Variants in NPHP4 observed in about 807,000 individuals in gnomAD.
The protein encoded by NPHP4 is nephrocystin 4, also known as nephrocystin-4.
A neutral mutation model predicts 155.8 loss-of-function variants in NPHP4; 151 were observed. The observed-to-expected ratio is 0.97, with a 90% CI of 0.85 to 1.11. The LOEUF (loss-of-function observed/expected upper bound fraction) is 1.11. Among genes scored for constraint, NPHP4 ranks in the 50% least tolerant of loss-of-function variants. The pLI, the probability that NPHP4 is intolerant of heterozygous loss-of-function variation, is 0.00. For missense variants in NPHP4, 1,956 were observed against 1,925.7 expected (o/e 1.02, Z -0.29); for synonymous variants, 845 against 816.8 (o/e 1.03, Z -0.59).
At chr1:5,876,624 T>G (rs1221626072) in intron 20 of NPHP4, 2 of 153,162 alleles carry the variant, frequency 1.3e-5, no homozygotes, top group African/African-American at 4.8e-5. Context: ...TCCCGACTTC[T>G]ATGAACCCAG....
intron 17 of NPHP4, chr1:5,888,611 C>T (rs565360210): frequency 1.5e-6 from 2 of 1,349,288 alleles, no homozygotes; most frequent in African/African-American, 3.0e-5. Context: ...GAGAAGTCTC[C>T]TTTAGGGAAC....
At chr1:5,865,976 G>A in intron 26 of NPHP4, 1 of 235,850 alleles carries the variant, frequency 4.2e-6, no homozygotes, top group Non-Finnish European at 8.4e-6. Flanking sequence ...CTGGAGGAGA[G>A]AGGGATGGGC....
At chr1:5,920,088 C>G (rs992636239) in intron 11 of NPHP4, among the ~76,000 whole-genome samples, 1 of 152,140 alleles carries the variant, frequency 6.6e-6, no homozygotes, top group East Asian at 1.9e-4. Context: ...CGTGCCACCA[C>G]GCCAGCTGAT....
chr1:5,887,880 G>A (rs957697907), intron 17 of NPHP4, among the ~76,000 whole-genome samples: 12 of 152,204 alleles, frequency 7.9e-5, no homozygotes, highest in Non-Finnish European at 1.5e-4. Flanking sequence ...AATCCAGGAC[G>A]GAAACCCCAA....
intron 11 of NPHP4, among the ~76,000 whole-genome samples, chr1:5,924,752 T>C (rs1645911574): frequency 6.6e-6 from 1 of 152,120 alleles, no homozygotes; most frequent in Non-Finnish European, 1.5e-5. Flanking sequence ...TCTCCCGGGC[T>C]CAACCAATCC....
Position 5,909,192 on chromosome 1 carries a change from C to G in NPHP4, c.1463G>C (p.Arg488Pro), listed in dbSNP as rs375429200. The G allele has an allele frequency of 6.2e-5, 100 of 1,603,952 alleles. No individual in the cohort carries two copies. The highest frequency in any genetic ancestry group is 8.3e-5 in the Non-Finnish European group (98 of 1,175,696). ...SPSSPPAPVPRVLAAPQNSPV... is the reference protein window; with the variant it reads ...SPSSPPAPVPPVLAAPQNSPV... Reference sequence around the variant, plus strand: ...TGAGTTCTGCGGGGCAGCGAGAACTCGAGGTACTGGCGCTGGCGGGCCTGG... The same window carrying G: ...TGAGTTCTGCGGGGCAGCGAGAACTGGAGGTACTGGCGCTGGCGGGCCTGG... Residue 488 changes from arginine (R) to proline (P), a missense_variant, in exon 12 of 30, where the codon CGA (arginine) becomes CCA (proline). Arg to Pro is a moderately radical substitution (Grantham distance 103, BLOSUM62 -2). Coordinates refer to ENST00000378156, the MANE Select transcript of NPHP4 (RefSeq NM_015102.5).
Position 5,882,324 on chromosome 1 carries a change from G to GCGCGCTTACCCAGCCATCTCTCAGTGA in NPHP4, c.2486-2112_2486-2086dup, listed in dbSNP as rs70977990. 6 of 143,660 alleles carry GCGCGCTTACCCAGCCATCTCTCAGTGA rather than the reference G, an allele frequency of 4.2e-5. No individual in the cohort carries two copies. The highest frequency in any genetic ancestry group is 2.4e-4 in the South Asian group (1 of 4,206). The allele number at this position is 143,660 out of a possible 1,614,324, so 8.9% of individuals were successfully genotyped here. A position where few individuals can be genotyped will look rare whatever the true frequency, so the allele number is the denominator to read the frequency against. On this transcript the variant is annotated intron_variant, in intron 18 of 29. Coordinates refer to ENST00000378156, the MANE Select transcript of NPHP4 (RefSeq NM_015102.5). The surrounding 1 kb of genome is among the most constrained non-coding windows in gnomAD (Gnocchi z 5.1). Reference sequence around the variant, plus strand: ...GCGCTTACCCAGCCATCTCTCAGTGGCGCGCTTACCCAGCCATCTCTCAGT... The same window carrying GCGCGCTTACCCAGCCATCTCTCAGTGA: ...GCGCTTACCCAGCCATCTCTCAGTGGCGCGCTTACCCAGCCATCTCTCAGTGACGCGCTTACCCAGCCATCTCTCAGT...
chr1:5,864,768 T>C, intron 27 of NPHP4: 1 of 542,874 alleles, frequency 1.8e-6, no homozygotes, highest in Non-Finnish European at 3.3e-6. Flanking sequence ...TGAAGCCATC[T>C]TGGGCTTAAA....
intron 10 of NPHP4, among the ~76,000 whole-genome samples, chr1:5,929,273 T>C (rs1646160731): frequency 6.6e-6 from 1 of 152,212 alleles, no homozygotes; most frequent in South Asian, 2.1e-4. Flanking sequence ...TTCCTTCTAA[T>C]GTGTAGGTCT....
rs1253016970 is a variant in NPHP4, at chr1:5,944,700, T to C, written c.1119+2404A>G. On this transcript the variant is annotated intron_variant, in intron 9 of 29. Coordinates refer to ENST00000378156, the MANE Select transcript of NPHP4 (RefSeq NM_015102.5). This position sits in a 1 kb window ranked among gnomAD's most constrained non-coding sequence, Gnocchi z 4.3. ...AGTACCAATGACTGGCCGGGCGCGG[T>C]GGTTCACGTCTGGAACCTGAGCACT... 6.6e-6 allele frequency among the ~76,000 whole-genome samples: 1 copy of C among 152,208 alleles called. No individual in the cohort carries two copies. Among genetic ancestry groups the C allele is most frequent in the Non-Finnish European group, 1.5e-5 (1 of 68,042 alleles).
chr1:5,945,250 G>A (rs573632019), intron 9 of NPHP4, among the ~76,000 whole-genome samples: 24 of 150,196 alleles, frequency 1.6e-4, no homozygotes, highest in Non-Finnish European at 2.7e-4. Context: ...GCCATCAGGC[G>A]CTGCCAGGAC....
At chr1:5,950,774 C>A (rs571517273) in intron 7 of NPHP4, among the ~76,000 whole-genome samples, 2 of 152,060 alleles carry the variant, frequency 1.3e-5, no homozygotes, top group Non-Finnish European at 2.9e-5. Flanking sequence ...GAAGATTTTC[C>A]AAAAAAGTCC....
chr1:5,922,960 G>T (rs1026560926), intron 11 of NPHP4, among the ~76,000 whole-genome samples: 1 of 152,206 alleles, frequency 6.6e-6, no homozygotes, highest in Non-Finnish European at 1.5e-5. Context: ...ATTATGGCAC[G>T]CACTCCAGCC....
At chr1:5,891,432 C>T (rs1644121404) in intron 16 of NPHP4, among the ~76,000 whole-genome samples, 1 of 152,172 alleles carries the variant, frequency 6.6e-6, no homozygotes, top group South Asian at 2.1e-4. Context: ...GAGCTCAAAC[C>T]GAGATCAGGC....
chr1:5,915,627 C>T (rs114484309), intron 11 of NPHP4, among the ~76,000 whole-genome samples: 5 of 152,196 alleles, frequency 3.3e-5, no homozygotes, highest in Admixed American at 2.0e-4. Flanking sequence ...GAGTCCAGAT[C>T]GCAGGCAGCC....
chr1:5,944,691 C>T lies in NPHP4; in HGVS notation c.1119+2413G>A, dbSNP rs569184397. Among the ~76,000 whole-genome samples, 7 of 152,176 alleles carry T rather than the reference C, an allele frequency of 4.6e-5. No homozygotes were observed. The highest frequency in any genetic ancestry group is 1.0e-4 in the Non-Finnish European group (7 of 68,030). ...ACATCGGAAAGTACCAATGACTGGC[C>T]GGGCGCGGTGGTTCACGTCTGGAAC... On this transcript the variant is annotated intron_variant, in intron 9 of 29. Coordinates refer to ENST00000378156, the MANE Select transcript of NPHP4 (RefSeq NM_015102.5). The surrounding 1 kb of genome is among the most constrained non-coding windows in gnomAD (Gnocchi z 4.3).
At chr1:5,972,709 C>T (rs2062785) in intron 3 of NPHP4, among the ~76,000 whole-genome samples, 127,567 of 152,146 alleles carry the variant, frequency 0.84, 53,732 homozygotes, top group African/African-American at 0.93. Context: ...TCAGGAGGAG[C>T]TTATTTTTTT....
At chr1:5,967,413 A>C in intron 4 of NPHP4, 50 bp from the exon 5 acceptor site, 51 of 1,448,058 alleles carry the variant, frequency 3.5e-5, no homozygotes, top group Non-Finnish European at 4.3e-5. Flanking sequence ...CGCACTTCTC[A>C]GAAGGAAAGC....
chr1:5,901,303 C>T (rs1356847814), intron 16 of NPHP4, among the ~76,000 whole-genome samples: 1 of 152,216 alleles, frequency 6.6e-6, no homozygotes, highest in Admixed American at 6.5e-5. Context: ...TTATGAGAGG[C>T]TCAGTCCTGA....
Sources: allele counts gnomAD v4.1 joint callset (sites outside exome capture counted in the v4.1 genomes callset), GRCh38; gene constraint gnomAD v4.1.1; non-coding constraint Gnocchi (gnomAD v3.1); transcripts MANE v1.5; gene names NCBI Gene and HGNC (gene_info 2026-07-23, HGNC 2026-07-21).